PIWIL1: variants seen among roughly 807,000 people sequenced by gnomAD.
The protein encoded by PIWIL1 is piwi-like protein 1.
In PIWIL1, 73 loss-of-function variants were observed where a neutral mutation model predicts 114.4. The observed-to-expected ratio is 0.64, with a 90% CI of 0.53 to 0.78. PIWIL1 has a LOEUF of 0.78. Among genes scored for constraint, PIWIL1 ranks in the 30% least tolerant of loss-of-function variants. The pLI, the probability that PIWIL1 is intolerant of heterozygous loss-of-function variation, is 0.00. For synonymous variants in PIWIL1, 375 were observed against 369.0 expected (o/e 1.02, Z -0.19); for missense variants, 723 against 1,063.1 (o/e 0.68, Z 4.45).
intron 4 of PIWIL1, 126 bp from the exon 5 acceptor site, chr12:130,346,244 C>T: frequency 2.9e-6 from 2 of 683,958 alleles, no homozygotes; most frequent in East Asian, 2.7e-5. Context: ...TGTCTGAGGA[C>T]TTTCATGTTG....
the PIWIL1 span, among the ~76,000 whole-genome samples, chr12:130,385,924 G>A: frequency 2.6e-5 from 4 of 152,112 alleles, no homozygotes; most frequent in African/African-American, 9.7e-5. Flanking sequence ...TTGCAAATCT[G>A]GCCTTAAAAA....
At chr12:130,370,767 G>A (rs1029145678) in intron 19 of PIWIL1, among the ~76,000 whole-genome samples, 1 of 152,212 alleles carries the variant, frequency 6.6e-6, no homozygotes, top group Admixed American at 6.5e-5. Flanking sequence ...TGTTTGGGGA[G>A]TAACAGTCCC....
intron 9 of PIWIL1, among the ~76,000 whole-genome samples, chr12:130,352,644 C>T (rs2073243340): frequency 6.6e-6 from 1 of 152,144 alleles, no homozygotes; most frequent in Non-Finnish European, 1.5e-5. Context: ...AGCACTCCAG[C>T]CTGGGCGACA....
intron 1 of PIWIL1, among the ~76,000 whole-genome samples, chr12:130,341,633 C>T (rs931828759): frequency 4.6e-5 from 7 of 152,218 alleles, no homozygotes; most frequent in Non-Finnish European, 5.9e-5. Flanking sequence ...TGTGAGTTCT[C>T]ATTTGATCTT....
the PIWIL1 span, chr12:130,425,666 C>T: frequency 0.012 from 1,790 of 152,720 alleles, 18 homozygotes; most frequent in Middle Eastern, 0.024. Flanking sequence ...TCACTCTCTG[C>T]CGGGGACAGC....
the PIWIL1 span, among the ~76,000 whole-genome samples, chr12:130,401,108 G>GTTACCTAGCAGT: frequency 1.3e-5 from 2 of 151,788 alleles, no homozygotes; most frequent in African/African-American, 4.9e-5. Context: ...ACTTAAAAAT[G>GTTACCTAGCAGT]ATTTTATATC....
At chr12:130,424,952 T>G in the PIWIL1 span, 5 of 650,724 alleles carry the variant, frequency 7.7e-6, no homozygotes, top group African/African-American at 2.0e-5. The surrounding 1 kb of genome is among the most constrained non-coding windows in gnomAD (Gnocchi z 9.8). Context: ...CAGACAGAAT[T>G]AGTCCTGGAG....
the PIWIL1 span, chr12:130,424,402 G>A: frequency 2.4e-6 from 3 of 1,232,724 alleles, no homozygotes; most frequent in Non-Finnish European, 2.0e-6. This position sits in a 1 kb window ranked among gnomAD's most constrained non-coding sequence, Gnocchi z 9.8. Flanking sequence ...CGGGCCAGCA[G>A]CGGCCTCGGG....
chr12:130,371,098 C>T, intron 19 of PIWIL1, 78 bp from the exon 20 acceptor site: 2 of 1,198,832 alleles, frequency 1.7e-6, no homozygotes, highest in Non-Finnish European at 2.5e-6. Flanking sequence ...AAGAGTGGTA[C>T]AGAGCTTTTC....
intron 19 of PIWIL1, among the ~76,000 whole-genome samples, chr12:130,368,342 C>T (rs1428408164): frequency 6.6e-6 from 1 of 152,028 alleles, no homozygotes; most frequent in Non-Finnish European, 1.5e-5. Context: ...AACACTTCTC[C>T]TGTGTGAATC....
intron 1 of PIWIL1, among the ~76,000 whole-genome samples, chr12:130,340,346 G>C (rs955758898): frequency 6.6e-6 from 1 of 152,072 alleles, no homozygotes; most frequent in Non-Finnish European, 1.5e-5. Context: ...ACCAGGGACC[G>C]ATTTCCTGGA....
the PIWIL1 span, among the ~76,000 whole-genome samples, chr12:130,417,113 G>C: frequency 6.6e-6 from 1 of 152,108 alleles, no homozygotes; most frequent in Non-Finnish European, 1.5e-5. Context: ...GCAAAGAAAA[G>C]AAACACTTAA....
the PIWIL1 span, among the ~76,000 whole-genome samples, chr12:130,422,755 G>A: frequency 4.6e-5 from 7 of 152,220 alleles, no homozygotes; most frequent in Admixed American, 2.0e-4. This position sits in a 1 kb window ranked among gnomAD's most constrained non-coding sequence, Gnocchi z 5.2. Flanking sequence ...ACTCGGAGCC[G>A]CTGCTGGGCG....
At chr12:130,388,044 A>G in the PIWIL1 span, among the ~76,000 whole-genome samples, 1 of 152,142 alleles carries the variant, frequency 6.6e-6, no homozygotes, top group African/African-American at 2.4e-5. Context: ...TAAGGGAACA[A>G]TTTCCCTTTT....
intron 18 of PIWIL1, among the ~76,000 whole-genome samples, chr12:130,365,013 G>T (rs1423577197): frequency 6.6e-6 from 1 of 152,190 alleles, no homozygotes; most frequent in African/African-American, 2.4e-5. Context: ...ATTCCCAGAA[G>T]GACTGGCAGA....
At position 130,363,188 on chromosome 12, in the gene PIWIL1, A is replaced by G. The variant is rs2073561495; in HGVS notation, c.2195+44A>G. 3 of 1,566,858 alleles carry G rather than the reference A, an allele frequency of 1.9e-6. No homozygotes were observed. The East Asian group carries it at 6.7e-5, about 35-fold the overall frequency. On this transcript the variant is annotated intron_variant, in intron 18 of 20. Coordinates refer to ENST00000245255, the MANE Select transcript of PIWIL1 (RefSeq NM_004764.5). ...AAGCATTTTCTTTTTATAAAACTGC[A>G]CCTTTGTATCTTTGAAATTAGCATC...
chr12:130,406,141 A>G, the PIWIL1 span: 1 of 1,290,100 alleles, frequency 7.8e-7, no homozygotes, highest in Non-Finnish European at 1.1e-6. Flanking sequence ...ACAAAAATCA[A>G]ATGGTACTTC....
chr12:130,369,885 T>C (rs1253588625), intron 19 of PIWIL1, among the ~76,000 whole-genome samples: 1 of 152,156 alleles, frequency 6.6e-6, no homozygotes, highest in East Asian at 1.9e-4. Flanking sequence ...AATTCTTTAG[T>C]TTAATTAGAT....
chr12:130,357,592 A>C (rs1351862457), intron 14 of PIWIL1, 39 bp downstream of exon 14: 1 of 1,400,756 alleles, frequency 7.1e-7, no homozygotes, highest in Non-Finnish European at 1.0e-6. Flanking sequence ...TTTCGGTGAA[A>C]GAGCTTTTTC....
Sources: allele counts gnomAD v4.1 joint callset (sites outside exome capture counted in the v4.1 genomes callset), GRCh38; gene constraint gnomAD v4.1.1; non-coding constraint Gnocchi (gnomAD v3.1); transcripts MANE v1.5; gene names NCBI Gene and HGNC (gene_info 2026-07-23, HGNC 2026-07-21).